Variants in GIGYF2 observed in about 807,000 individuals in gnomAD.
GIGYF2 encodes the protein GRB10-interacting GYF protein 2.
In GIGYF2, 25 loss-of-function variants were observed where a neutral mutation model predicts 208.1. That is an observed-to-expected ratio of 0.12 (90% CI 0.09 to 0.17). The LOEUF (loss-of-function observed/expected upper bound fraction) is 0.17, where lower values mean the gene tolerates loss of function less well. Among genes scored for constraint, GIGYF2 ranks in the 10% least tolerant of loss-of-function variants. The pLI, the probability that GIGYF2 is intolerant of heterozygous loss-of-function variation, is 1.00. For synonymous variants in GIGYF2, 534 were observed against 543.8 expected (o/e 0.98, Z 0.25); for missense variants, 1,302 against 1,579.4 (o/e 0.82, Z 2.98).
Position 232,794,910 on chromosome 2 carries a change from C to G in GIGYF2, c.1445C>G (p.Pro482Arg). Residue 482 changes from proline (P) to arginine (R), a missense_variant, in exon 13 of 29, where the codon CCT (proline) becomes CGT (arginine). Physicochemically the swap from Pro to Arg is moderately radical, Grantham distance 103. Transcript: ENST00000373563. ...APGMGSVSTEPDDEEGLKHLE... is the reference protein window; with the variant it reads ...APGMGSVSTERDDEEGLKHLE... ...GGTATGGGCAGTGTTTCCACAGAACCTGATGATGAAGAAGGTCTCAAACAT... is the reference window on the plus strand; with the variant it reads ...GGTATGGGCAGTGTTTCCACAGAACGTGATGATGAAGAAGGTCTCAAACAT... 2.5e-6 allele frequency: 4 copies of G among 1,613,886 alleles called. No individual in the cohort carries two copies. The highest frequency in any genetic ancestry group is 3.4e-6 in the Non-Finnish European group (4 of 1,179,814).
At chr2:232,846,832 G>A (rs974608895) in intron 26 of GIGYF2, among the ~76,000 whole-genome samples, 1 of 152,144 alleles carries the variant, frequency 6.6e-6, no homozygotes, top group Non-Finnish European at 1.5e-5. Context: ...AGGTCACACA[G>A]CCAGCAAATT....
At chr2:232,785,889 A>G (rs1181562021) in intron 8 of GIGYF2, among the ~76,000 whole-genome samples, 1 of 152,228 alleles carries the variant, frequency 6.6e-6, no homozygotes, top group Non-Finnish European at 1.5e-5. Flanking sequence ...AATTAAAAGG[A>G]TTGAGTTTGT....
chr2:232,727,250 G>A (rs1697243036), intron 2 of GIGYF2, among the ~76,000 whole-genome samples: 1 of 152,188 alleles, frequency 6.6e-6, no homozygotes, highest in Non-Finnish European at 1.5e-5. Flanking sequence ...TACAACATGA[G>A]CCACTGTGCC....
intron 3 of GIGYF2, among the ~76,000 whole-genome samples, chr2:232,739,870 C>T (rs6732136): frequency 0.32 from 47,207 of 147,394 alleles, 7,796 homozygotes; most frequent in South Asian, 0.63. Flanking sequence ...GAGGCCGAGG[C>T]GGGTGGATCA....
intron 2 of GIGYF2, chr2:232,730,234 A>G: frequency 2.9e-6 from 3 of 1,032,104 alleles, no homozygotes; most frequent in Non-Finnish European, 4.5e-6. Flanking sequence ...GGAGCAGCAG[A>G]AAGAGCTCAA....
chr2:232,776,937 T>C (rs11892817), intron 8 of GIGYF2: 3,298 of 153,086 alleles, frequency 0.022, 126 homozygotes, highest in African/African-American at 0.075. Context: ...TAATCTTTTT[T>C]TTTTTCCACC....
intron 21 of GIGYF2, among the ~76,000 whole-genome samples, chr2:232,823,610 C>T (rs1701163614): frequency 6.6e-6 from 1 of 152,132 alleles, no homozygotes; most frequent in Non-Finnish European, 1.5e-5. Context: ...TTGTCTCAGC[C>T]TCCCAAAGTG....
intron 3 of GIGYF2, among the ~76,000 whole-genome samples, chr2:232,741,949 C>G (rs1697981884): frequency 6.6e-6 from 1 of 152,094 alleles, no homozygotes; most frequent in African/African-American, 2.4e-5. Context: ...ATCTCAAATT[C>G]TCTTTTTCCC....
chr2:232,811,142 T>C, intron 16 of GIGYF2, 102 bp from the exon 17 acceptor site: 1 of 703,392 alleles, frequency 1.4e-6, no homozygotes, highest in Non-Finnish European at 2.6e-6. Flanking sequence ...TTTCTAATAA[T>C]GTCTCCTGGG....
chr2:232,701,065 T>G (rs1695818979), intron 1 of GIGYF2, among the ~76,000 whole-genome samples: 1 of 152,148 alleles, frequency 6.6e-6, no homozygotes. Flanking sequence ...GAATGTAAAG[T>G]GATACCTTTA....
chr2:232,820,904 T>C (rs968692682), intron 21 of GIGYF2, among the ~76,000 whole-genome samples: 5 of 151,826 alleles, frequency 3.3e-5, no homozygotes, highest in Non-Finnish European at 7.4e-5. Context: ...GATTTTGGCT[T>C]ACTGCAACCT....
chr2:232,779,846 A>C (rs1021937981), intron 8 of GIGYF2, among the ~76,000 whole-genome samples: 1 of 152,146 alleles, frequency 6.6e-6, no homozygotes, highest in Non-Finnish European at 1.5e-5. Flanking sequence ...TGTCCTAGCC[A>C]CCCTGAGTTT....
intron 14 of GIGYF2, among the ~76,000 whole-genome samples, chr2:232,805,692 A>G (rs1700541636): frequency 6.6e-6 from 1 of 152,202 alleles, no homozygotes; most frequent in African/African-American, 2.4e-5. Flanking sequence ...CGATCATGTC[A>G]TCACTGAGAC....
chr2:232,778,324 T>C (rs1699599578), intron 8 of GIGYF2, among the ~76,000 whole-genome samples: 1 of 152,200 alleles, frequency 6.6e-6, no homozygotes, highest in Non-Finnish European at 1.5e-5. Flanking sequence ...TTCAATATAT[T>C]GAGACAAAAA....
At chr2:232,700,473 C>T (rs1695793376) in intron 1 of GIGYF2, 1 of 152,178 alleles carries the variant, frequency 6.6e-6, no homozygotes, top group East Asian at 1.9e-4. Flanking sequence ...GATTGCCCTT[C>T]TGTAGGATCT....
chr2:232,840,767 TG>T (rs1701791442), intron 23 of GIGYF2, among the ~76,000 whole-genome samples: 1 of 152,090 alleles, frequency 6.6e-6, no homozygotes, highest in South Asian at 2.1e-4. Flanking sequence ...GATGGTGTGG[TG>T]GATTGTCCAA....
chr2:232,782,324 A>G (rs193018960), intron 8 of GIGYF2, among the ~76,000 whole-genome samples: 48 of 152,242 alleles, frequency 3.2e-4, no homozygotes, highest in Admixed American at 1.4e-3. Flanking sequence ...CAGCCTCCCA[A>G]AGTGCTAGGA....
chr2:232,800,181 A>G (rs982904164), intron 14 of GIGYF2, among the ~76,000 whole-genome samples: 2 of 151,234 alleles, frequency 1.3e-5, no homozygotes, highest in African/African-American at 4.9e-5. Context: ...CTTTGGTGTC[A>G]TATCCTAGAA....
chr2:232,773,689 A>G (rs548688062), intron 8 of GIGYF2, among the ~76,000 whole-genome samples: 1 of 152,224 alleles, frequency 6.6e-6, no homozygotes, highest in Non-Finnish European at 1.5e-5. Context: ...GCTAATATAT[A>G]TATTGTTTAG....
Sources: allele counts gnomAD v4.1 joint callset (sites outside exome capture counted in the v4.1 genomes callset), GRCh38; gene constraint gnomAD v4.1.1; transcripts MANE v1.5; gene names NCBI Gene and HGNC (gene_info 2026-07-23, HGNC 2026-07-21).